RIC1: variants seen among roughly 807,000 people sequenced by gnomAD.
RIC1 encodes guanine nucleotide exchange factor subunit RIC1.
Under a neutral mutation model 169.0 loss-of-function variants are expected in RIC1, and 88 were observed. That is an observed-to-expected ratio of 0.52 (90% CI 0.44 to 0.62). RIC1 has a LOEUF of 0.62. Among genes scored for constraint, RIC1 ranks in the 20% least tolerant of loss-of-function variants. The pLI is 0.00. For missense variants in RIC1, 1,877 were observed against 1,725.5 expected (o/e 1.09, Z -1.56); for synonymous variants, 790 against 601.5 (o/e 1.31, Z -4.59).
At chr9:5,652,564 A>G (rs1037957773) in intron 1 of RIC1, among the ~76,000 whole-genome samples, 1 of 152,160 alleles carries the variant, frequency 6.6e-6, no homozygotes, top group African/African-American at 2.4e-5. Flanking sequence ...GTATTCTACA[A>G]CTTTACTGAA....
intron 1 of RIC1, among the ~76,000 whole-genome samples, chr9:5,647,920 TTGTGTG>T (rs1207869669): frequency 1.4e-5 from 2 of 144,470 alleles, no homozygotes; most frequent in African/African-American, 5.0e-5. Context: ...TGTTTTTTGT[TTGTGTG>T]TGTGGGGGTG....
At chr9:5,648,289 T>C (rs894229596) in intron 1 of RIC1, among the ~76,000 whole-genome samples, 6 of 152,196 alleles carry the variant, frequency 3.9e-5, no homozygotes, top group Non-Finnish European at 8.8e-5. Flanking sequence ...TAGCCAGGTA[T>C]AGGTTTTTTA....
chr9:5,652,903 T>G (rs1818885088), intron 1 of RIC1, among the ~76,000 whole-genome samples: 1 of 152,242 alleles, frequency 6.6e-6, no homozygotes, highest in Non-Finnish European at 1.5e-5. Flanking sequence ...TAAGAGTTGT[T>G]GTCAAGAATA....
intron 21 of RIC1, among the ~76,000 whole-genome samples, chr9:5,768,343 C>A (rs1394253164): frequency 6.6e-6 from 1 of 152,196 alleles, no homozygotes; most frequent in Non-Finnish European, 1.5e-5. Context: ...CTGGGCAACA[C>A]AGCAAGATCC....
At chr9:5,678,876 T>C (rs1188152391) in intron 2 of RIC1, among the ~76,000 whole-genome samples, 3 of 152,130 alleles carry the variant, frequency 2.0e-5, no homozygotes, top group Non-Finnish European at 2.9e-5. Flanking sequence ...ATTTTGGCTT[T>C]TGTTGCCATT....
chr9:5,651,504 A>G (rs1818797894), intron 1 of RIC1, among the ~76,000 whole-genome samples: 1 of 124,888 alleles, frequency 8.0e-6, no homozygotes, highest in African/African-American at 3.0e-5. Flanking sequence ...CATTTCCTTT[A>G]TGTTTTTCTT....
At chr9:5,727,592 G>C (rs1824078577) in intron 6 of RIC1, among the ~76,000 whole-genome samples, 1 of 152,232 alleles carries the variant, frequency 6.6e-6, no homozygotes, top group Non-Finnish European at 1.5e-5. Context: ...CTGGCAAGGA[G>C]CTGCGTTCCT....
intron 6 of RIC1, among the ~76,000 whole-genome samples, chr9:5,727,193 G>C (rs1824048924): frequency 6.6e-6 from 1 of 152,192 alleles, no homozygotes; most frequent in Non-Finnish European, 1.5e-5. Flanking sequence ...AGGTACAGCA[G>C]TCAGACGTAG....
intron 3 of RIC1, among the ~76,000 whole-genome samples, chr9:5,702,682 G>A (rs1445587718): frequency 6.6e-6 from 1 of 152,128 alleles, no homozygotes; most frequent in Non-Finnish European, 1.5e-5. Context: ...GGGACTACAG[G>A]CACACGCCGC....
chr9:5,668,189 G>C (rs183513195), intron 2 of RIC1, among the ~76,000 whole-genome samples: 5 of 152,198 alleles, frequency 3.3e-5, no homozygotes, highest in Admixed American at 3.3e-4. Flanking sequence ...AACACCGTGA[G>C]GGTACCACCT....
chr9:5,629,665 C>G (rs1296401468), intron 1 of RIC1, among the ~76,000 whole-genome samples: 3 of 152,058 alleles, frequency 2.0e-5, no homozygotes, highest in Non-Finnish European at 4.4e-5. Flanking sequence ...TGGATGAAGT[C>G]GCTGCTGCCG....
At chr9:5,675,365 G>C (rs879870705) in intron 2 of RIC1, among the ~76,000 whole-genome samples, 5 of 152,106 alleles carry the variant, frequency 3.3e-5, no homozygotes, top group Admixed American at 6.5e-5. Flanking sequence ...TTATGAGGAA[G>C]TTAAGTTTAA....
chr9:5,738,516 G>T lies in RIC1; in HGVS notation c.879G>T (p.Glu293Asp). The change falls in exon 8 of 26, where the codon GAG (glutamate) becomes GAT (aspartate). Residue 293 changes from glutamate to aspartate, a missense_variant. By Grantham distance (45) the Glu-to-Asp change is conservative. This residue lies in a region of RIC1 where 1,104 missense variants were observed against 992.0 expected (regional missense o/e 1.11). Coordinates refer to ENST00000414202, the MANE Select transcript of RIC1 (RefSeq NM_020829.4). ...TGAMLLSHKL[E>D]LTAKQYPDIW... Reference sequence around the variant, plus strand: ...CCATGCTGCTATCTCATAAATTAGAGCTAACAGCAAAACAGTATCCTGGTG... The same window carrying T: ...CCATGCTGCTATCTCATAAATTAGATCTAACAGCAAAACAGTATCCTGGTG... 6.4e-7 allele frequency: 1 copy of T among 1,556,922 alleles called. No homozygotes were observed.
intron 3 of RIC1, among the ~76,000 whole-genome samples, chr9:5,711,880 C>T (rs756381805): frequency 2.0e-5 from 3 of 152,192 alleles, no homozygotes; most frequent in Non-Finnish European, 4.4e-5. Flanking sequence ...CCAGCTTCAT[C>T]TATGTCCCTA....
intron 3 of RIC1, among the ~76,000 whole-genome samples, chr9:5,704,667 T>A (rs1424858807): frequency 6.6e-6 from 1 of 152,128 alleles, no homozygotes; most frequent in Non-Finnish European, 1.5e-5. Context: ...CACAAAAAAG[T>A]TTAATTTTGA....
chr9:5,762,467 T>G, intron 17 of RIC1, 74 bp from the exon 18 acceptor site: 3 of 1,560,552 alleles, frequency 1.9e-6, no homozygotes, highest in Non-Finnish European at 2.6e-6. Context: ...CTATAAACCT[T>G]ATGGATTGGG....
intron 3 of RIC1, among the ~76,000 whole-genome samples, chr9:5,709,116 T>C (rs1459499463): frequency 6.6e-6 from 1 of 152,200 alleles, no homozygotes; most frequent in Non-Finnish European, 1.5e-5. Flanking sequence ...GTACCAAGTG[T>C]TGGCTCTTAA....
At chr9:5,684,770 C>CTT (rs550346487) in intron 2 of RIC1, among the ~76,000 whole-genome samples, 213 of 152,200 alleles carry the variant, frequency 1.4e-3, no homozygotes, top group Non-Finnish European at 2.3e-3. Context: ...GGCATTCAGT[C>CTT]TTTTACCATT....
At chr9:5,646,291 T>A (rs921297692) in intron 1 of RIC1, among the ~76,000 whole-genome samples, 3 of 152,168 alleles carry the variant, frequency 2.0e-5, no homozygotes, top group Non-Finnish European at 4.4e-5. Context: ...TTGTAACGCT[T>A]CATGTATTCT....
Sources: gnomAD v4.1 joint callset for allele counts (sites outside exome capture counted in the v4.1 genomes callset) on GRCh38, gnomAD v4.1.1 for gene constraint, gnomAD v4.1.1 regional missense constraint, MANE v1.5 for transcripts, NCBI Gene and HGNC (gene_info 2026-07-23, HGNC 2026-07-21) for gene names.